The following COP1 variants were observed in gnomAD, a reference collection of about 807,000 sequenced individuals.
COP1 encodes E3 ubiquitin-protein ligase COP1.
COP1 carries 24 observed loss-of-function variants against 101.3 expected under a neutral mutation model. The observed-to-expected ratio is 0.24, with a 90% confidence interval of 0.17 to 0.33. COP1 has a LOEUF of 0.33. Among genes scored for constraint, COP1 ranks in the 10% least tolerant of loss-of-function variants. The pLI is 1.00. For synonymous variants in COP1, 347 were observed against 341.9 expected (o/e 1.01, Z -0.17); for missense variants, 663 against 906.2 (o/e 0.73, Z 3.45).
intron 18 of COP1, among the ~76,000 whole-genome samples, chr1:175,969,331 A>G (rs1404736218): frequency 6.6e-6 from 1 of 152,156 alleles, no homozygotes; most frequent in Non-Finnish European, 1.5e-5. Context: ...AAACAGCAGA[A>G]GCAGGAAGAC....
In COP1 at chr1:176,081,293, T is replaced by G; in HGVS notation, c.1142-6A>C. The stretch of plus-strand genomic sequence containing the variant: ...GCTTGCAGTTCGACTGTCATCTATA[T>G]GAAAAAAAAAAAAAAAAGACAAAAC... On this transcript the variant is annotated splice_region_variant and splice_polypyrimidine_tract_variant and intron_variant, in intron 10 of 19. Transcript: ENST00000367669. 1 of 1,487,282 alleles carries G rather than the reference T, an allele frequency of 6.7e-7. No homozygotes were observed. The highest frequency in any genetic ancestry group is 8.9e-7 in the Non-Finnish European group (1 of 1,122,514). The allele number at this position is 1,487,282 out of a possible 1,614,324, so 92.1% of individuals were successfully genotyped here.
intron 14 of COP1, among the ~76,000 whole-genome samples, chr1:176,031,948 T>A (rs991898225): frequency 2.0e-5 from 3 of 152,210 alleles, no homozygotes; most frequent in African/African-American, 7.2e-5. Context: ...TGCTTATCTA[T>A]AATAACATCA....
chr1:176,068,088 G>A (rs1676334378), intron 11 of COP1, among the ~76,000 whole-genome samples: 1 of 152,190 alleles, frequency 6.6e-6, no homozygotes, highest in African/African-American at 2.4e-5. Flanking sequence ...GGAGGTATAT[G>A]GGAAATCTCT....
chr1:176,186,265 G>A (rs1698426952), intron 1 of COP1, among the ~76,000 whole-genome samples: 1 of 151,434 alleles, frequency 6.6e-6, no homozygotes. Flanking sequence ...TCACTGCTAA[G>A]ACACAGAACA....
At chr1:175,945,685 T>TA (rs1374752985) in intron 19 of COP1, among the ~76,000 whole-genome samples, 2 of 152,266 alleles carry the variant, frequency 1.3e-5, no homozygotes, top group Middle Eastern at 6.8e-3. Flanking sequence ...TATACTGTCA[T>TA]AAAAAAGTAA....
intron 11 of COP1, among the ~76,000 whole-genome samples, chr1:176,055,108 T>C (rs1410890750): frequency 1.3e-5 from 2 of 152,206 alleles, no homozygotes. Flanking sequence ...ACAGTCTACT[T>C]TGGTCATTCC....
intron 11 of COP1, among the ~76,000 whole-genome samples, chr1:176,053,019 C>A (rs539935782): frequency 8.0e-4 from 122 of 151,906 alleles, no homozygotes; most frequent in African/African-American, 2.1e-3. Context: ...AAAAAAAAAA[C>A]CCCTTCTATA....
intron 15 of COP1, among the ~76,000 whole-genome samples, chr1:176,012,482 A>G (rs1664857828): frequency 6.6e-6 from 1 of 152,306 alleles, no homozygotes; most frequent in African/African-American, 2.4e-5. Context: ...TTAATGAAGT[A>G]AAAAAATTAC....
chr1:176,010,325 T>C (rs1334540169), intron 15 of COP1, among the ~76,000 whole-genome samples: 2 of 152,210 alleles, frequency 1.3e-5, no homozygotes, highest in Non-Finnish European at 2.9e-5. Flanking sequence ...AATATTGATA[T>C]AATATACAAT....
chr1:176,058,907 T>G (rs1318278087), intron 11 of COP1, among the ~76,000 whole-genome samples: 1 of 152,200 alleles, frequency 6.6e-6, no homozygotes, highest in Non-Finnish European at 1.5e-5. Context: ...TATATAAACC[T>G]AAGAGCTTGA....
intron 3 of COP1, among the ~76,000 whole-genome samples, chr1:176,171,160 T>C (rs1696002978): frequency 6.6e-6 from 1 of 150,808 alleles, no homozygotes; most frequent in South Asian, 2.1e-4. Context: ...TAGGCTGTTA[T>C]ATCTACACTG....
chr1:176,200,975 C>T (rs1282480802), intron 1 of COP1, among the ~76,000 whole-genome samples: 2 of 152,136 alleles, frequency 1.3e-5, no homozygotes, highest in African/African-American at 4.8e-5. Flanking sequence ...CAAGCATGCA[C>T]CATCATGCCC....
At chr1:176,110,908 C>T (rs1037543826) in intron 9 of COP1, among the ~76,000 whole-genome samples, 1 of 152,186 alleles carries the variant, frequency 6.6e-6, no homozygotes, top group Non-Finnish European at 1.5e-5. Context: ...AATCCCAGCA[C>T]TTTGGGAGGC....
Position 176,159,166 on chromosome 1 carries a change from T to C in COP1, c.762+3703A>G, listed in dbSNP as rs578057222. Among the ~76,000 whole-genome samples the C allele has an allele frequency of 3.6e-4, 55 of 152,226 alleles. No individual in the cohort carries two copies. The East Asian group carries it at 0.011, about 29-fold the overall frequency. ...TTACCAAAATATATACTTGGCAAAG[T>C]AGTAATATACAAAATACAAGCACAC... On this transcript the variant is annotated intron_variant, in intron 5 of 19. Coordinates refer to ENST00000367669, the MANE Select transcript of COP1 (RefSeq NM_022457.7).
chr1:176,005,857 T>C (rs1198304371), intron 15 of COP1, among the ~76,000 whole-genome samples: 2 of 152,138 alleles, frequency 1.3e-5, no homozygotes, highest in Admixed American at 6.5e-5. Context: ...TGTAGATGTC[T>C]ATTAGGTCCG....
chr1:176,176,031 A>G (rs1180665090), intron 2 of COP1, 24 bp from the exon 3 acceptor site: 4 of 1,136,138 alleles, frequency 3.5e-6, no homozygotes, highest in East Asian at 2.4e-5. Flanking sequence ...GGGAAAAAAA[A>G]GGCTTAATTA....
intron 8 of COP1, chr1:176,133,764 G>C: frequency 2.4e-6 from 1 of 412,500 alleles, no homozygotes; most frequent in Non-Finnish European, 4.8e-6. Context: ...CTGTTAAACA[G>C]AGAGGAAAAA....
At chr1:175,965,129 T>C (rs1476858246) in intron 18 of COP1, among the ~76,000 whole-genome samples, 1 of 152,180 alleles carries the variant, frequency 6.6e-6, no homozygotes, top group Non-Finnish European at 1.5e-5. Context: ...CTGTTACTAT[T>C]TGTACTGCAA....
intron 15 of COP1, among the ~76,000 whole-genome samples, chr1:176,009,032 T>C (rs947479979): frequency 1.1e-4 from 16 of 152,286 alleles, no homozygotes; most frequent in African/African-American, 3.9e-4. Context: ...AGGTGAAGAC[T>C]GGGGCTCTCT....
Sources: allele counts gnomAD v4.1 joint callset (sites outside exome capture counted in the v4.1 genomes callset), GRCh38; gene constraint gnomAD v4.1.1; transcripts MANE v1.5; gene names NCBI Gene and HGNC (gene_info 2026-07-23, HGNC 2026-07-21).